The following TEK variants were observed in gnomAD, a reference collection of about 807,000 sequenced individuals.
TEK encodes TEK receptor tyrosine kinase, also known as angiopoietin-1 receptor.
In TEK, 43 loss-of-function variants were observed where a neutral mutation model predicts 131.8. That is an observed-to-expected ratio of 0.33 (90% CI 0.26 to 0.42). TEK has a LOEUF of 0.42. TEK is among the 10% of genes least tolerant of loss of function. The pLI is 1.00. For synonymous variants in TEK, 580 were observed against 491.6 expected (o/e 1.18, Z -2.38); for missense variants, 1,162 against 1,384.4 (o/e 0.84, Z 2.55).
intron 1 of TEK, among the ~76,000 whole-genome samples, chr9:27,129,204 G>T (rs117035742): frequency 6.6e-5 from 10 of 152,044 alleles, no homozygotes; most frequent in Non-Finnish European, 1.0e-4. Context: ...GAATTTTGTC[G>T]GAGGACTTTT....
intron 20 of TEK, 56 bp downstream of exon 20, chr9:27,218,873 T>C: frequency 6.6e-7 from 1 of 1,506,622 alleles, no homozygotes; most frequent in Non-Finnish European, 9.2e-7. Context: ...AGTGGAAGCC[T>C]CTAGCACTCC....
rs1425543527 is a variant in TEK, at chr9:27,209,228, C to G, written c.2683C>G (p.Arg895Gly). The G allele has an allele frequency of 1.9e-6, 3 of 1,606,262 alleles. No individual in the cohort carries two copies. The highest frequency in any genetic ancestry group is 2.7e-5 in the African/African-American group (2 of 74,746). Reference sequence around the variant, plus strand: ...CAATCTCTTAGGAGCATGTGAACATCGAGGTAAGATGCTCTTTTCCTGTCT... The same window carrying G: ...CAATCTCTTAGGAGCATGTGAACATGGAGGTAAGATGCTCTTTTCCTGTCT... ...IINLLGACEH[R>G]GYLYLAIEYA... The change falls in exon 16 of 23, where the codon CGA (arginine) becomes GGA (glycine). Residue 895 changes from arginine to glycine, a missense_variant. Around this residue, in one of 6 missense-constraint regions of TEK, gnomAD observed 57 missense variants for 100.8 expected, o/e 0.57. Transcript: ENST00000380036.
chr9:27,161,899 A>G (rs1823560954), intron 2 of TEK, among the ~76,000 whole-genome samples: 1 of 152,260 alleles, frequency 6.6e-6, no homozygotes, highest in Non-Finnish European at 1.5e-5. Flanking sequence ...GCTTCACAGT[A>G]AATGTTTAAC....
intron 1 of TEK, among the ~76,000 whole-genome samples, chr9:27,140,512 G>T (rs1822686965): frequency 6.6e-6 from 1 of 151,832 alleles, no homozygotes; most frequent in Non-Finnish European, 1.5e-5. Flanking sequence ...TTATTTTAAG[G>T]ATTGCCAAGA....
chr9:27,180,247 C>T lies in TEK; in HGVS notation c.909C>T (p.His303=). Residue 303 remains histidine, a synonymous_variant, in exon 7 of 23, where the codon CAC becomes CAT. Transcript: ENST00000380036. The stretch of plus-strand genomic sequence containing the variant: ...TGATGTCTCTGTTTACAGCATGCCA[C>T]CCTGGTTTTTACGGGCCAGATTGTA... ...WKGLQCNEAC[H]PGFYGPDCKL... is the part of the protein sequence containing the mutation. 1 of 1,613,846 alleles carries T rather than the reference C, an allele frequency of 6.2e-7. No homozygotes were observed. The highest frequency in any genetic ancestry group is 8.5e-7 in the Non-Finnish European group (1 of 1,179,814).
At position 27,124,844 on chromosome 9, in the gene TEK, C is replaced by G. The variant is rs551542670; in HGVS notation, c.52+15202C>G. On this transcript the variant is annotated intron_variant, in intron 1 of 22. Coordinates refer to ENST00000380036, the MANE Select transcript of TEK (RefSeq NM_000459.5). ...CAGTACTAATATTTAATCCATCTAA[C>G]CATCAACACCTGTGCATATGAGGTC... Among the ~76,000 whole-genome samples, 3 of 152,264 alleles carry G rather than the reference C, an allele frequency of 2.0e-5. No individual in the cohort carries two copies. The East Asian group carries it at 5.8e-4, about 29-fold the overall frequency.
At chr9:27,156,944 T>C (rs1406202747) in intron 1 of TEK, among the ~76,000 whole-genome samples, 1 of 151,268 alleles carries the variant, frequency 6.6e-6, no homozygotes, top group Non-Finnish European at 1.5e-5. Context: ...AGACACAGAC[T>C]CTATCTGCTC....
chr9:27,172,626 C>G lies in TEK; in HGVS notation c.639C>G (p.Ala213=). The change falls in exon 5 of 23, where the codon GCC becomes GCG. Residue 213 remains alanine (A), a synonymous_variant. Coordinates refer to ENST00000380036, the MANE Select transcript of TEK (RefSeq NM_000459.5). ...FTRLIVRRCE[A]QKWGPECNHL... ...TTTCCTTAACAAAAGGATGTGAAGC[C>G]CAGAAGTGGGGACCTGAATGCAACC... The G allele has an allele frequency of 6.2e-7, 1 of 1,613,582 alleles. No homozygotes were observed. Among genetic ancestry groups the G allele is most frequent in the Non-Finnish European group, 8.5e-7 (1 of 1,179,628 alleles).
At chr9:27,164,671 A>G (rs938383234) in intron 2 of TEK, among the ~76,000 whole-genome samples, 1 of 152,100 alleles carries the variant, frequency 6.6e-6, no homozygotes, top group Non-Finnish European at 1.5e-5. Context: ...CTGGGACTAC[A>G]AGCATGTGCT....
In TEK at chr9:27,169,643, A is replaced by C; in HGVS notation, c.628+14A>C. 6.2e-7 allele frequency: 1 copy of C among 1,613,930 alleles called. No homozygotes were observed. The highest frequency in any genetic ancestry group is 8.5e-7 in the Non-Finnish European group (1 of 1,179,908). On this transcript the variant is annotated intron_variant, in intron 4 of 22. Coordinates refer to ENST00000380036, the MANE Select transcript of TEK (RefSeq NM_000459.5). Reference sequence around the variant, plus strand: ...TGATAGTCCGGAGTAAGTGATGGAGAGGCCACCATTTGTGATGGTGTAGTT... The same window carrying C: ...TGATAGTCCGGAGTAAGTGATGGAGCGGCCACCATTTGTGATGGTGTAGTT...
chr9:27,176,838 T>A (rs184734394), intron 6 of TEK, among the ~76,000 whole-genome samples: 1 of 152,284 alleles, frequency 6.6e-6, no homozygotes, highest in East Asian at 1.9e-4. Context: ...GACCAACATC[T>A]CCCCATTTCC....
At chr9:27,132,488 T>C (rs906696082) in intron 1 of TEK, among the ~76,000 whole-genome samples, 1 of 152,222 alleles carries the variant, frequency 6.6e-6, no homozygotes, top group African/African-American at 2.4e-5. Context: ...AGTATTATTA[T>C]GGAAAAAGAT....
intron 2 of TEK, among the ~76,000 whole-genome samples, 160 bp downstream of exon 2, chr9:27,158,302 G>A (rs1016062085): frequency 6.6e-6 from 1 of 152,044 alleles, no homozygotes; most frequent in African/African-American, 2.4e-5. Context: ...TCTGGTACAT[G>A]GAATGTTAGA....
At chr9:27,210,258 TACACACACACACACATACCACAC>T (rs1825555089) in intron 16 of TEK, 1 of 100,712 alleles carries the variant, frequency 9.9e-6, no homozygotes, top group Non-Finnish European at 1.9e-5. Flanking sequence ...AAATGAAAGT[TACACACACACACACATACCACAC>T]ACACACACAC....
chr9:27,125,881 A>G (rs1347533344), intron 1 of TEK, among the ~76,000 whole-genome samples: 2 of 151,640 alleles, frequency 1.3e-5, no homozygotes, highest in African/African-American at 2.4e-5. Flanking sequence ...TTTCTTTCCA[A>G]CTCTTTCTAT....
chr9:27,214,698 T>G (rs1031889443), intron 18 of TEK, among the ~76,000 whole-genome samples: 5 of 152,202 alleles, frequency 3.3e-5, no homozygotes, highest in African/African-American at 9.7e-5. Context: ...TCCTTTTACA[T>G]AGCTACAACC....
chr9:27,224,555 ACC>A, intron 21 of TEK, among the ~76,000 whole-genome samples: 1 of 152,186 alleles, frequency 6.6e-6, no homozygotes, highest in South Asian at 2.1e-4. Flanking sequence ...GAAATTCAAC[ACC>A]CCCTCAGGCT....
chr9:27,229,548 CATT>C lies in TEK; in HGVS notation c.*317_*319del, dbSNP rs1371339558. ...AGTACAATTAGTATAATGCATAACT[CATT>C]GTTGTCCTAGATATTTTGATATTTA... is the stretch of plus-strand genomic sequence containing the variant. On this transcript the variant is annotated 3_prime_UTR_variant, in exon 23 of 23. Transcript: ENST00000380036. 2.0e-5 allele frequency: 7 copies of C among 356,500 alleles called. No individual in the cohort carries two copies. Among genetic ancestry groups the C allele is most frequent in the Non-Finnish European group, 2.6e-5 (5 of 190,516 alleles). 22.1% of individuals were successfully genotyped at this position (356,500 alleles called of 1,614,324 possible).
chr9:27,196,762 CT>C (rs367911024), intron 11 of TEK, among the ~76,000 whole-genome samples: 18,358 of 99,266 alleles, frequency 0.18, 1,468 homozygotes, highest in African/African-American at 0.25. Context: ...GTGCTATACA[CT>C]TTTTTTTTTT....
Sources: gnomAD v4.1 joint callset for allele counts (sites outside exome capture counted in the v4.1 genomes callset) on GRCh38, gnomAD v4.1.1 for gene constraint, gnomAD v4.1.1 regional missense constraint, MANE v1.5 for transcripts, NCBI Gene and HGNC (gene_info 2026-07-23, HGNC 2026-07-21) for gene names.